Variants in DLC1 observed in about 807,000 individuals in gnomAD.
DLC1 encodes the protein rho GTPase-activating protein 7.
A neutral mutation model predicts 140.3 loss-of-function variants in DLC1; 54 were observed. The observed-to-expected ratio is 0.38, with a 90% confidence interval of 0.31 to 0.48. DLC1 has a LOEUF of 0.48. Among genes scored for constraint, DLC1 ranks in the 20% least tolerant of loss-of-function variants. DLC1 has a pLI of 0.96. For missense variants in DLC1, 2,536 were observed against 1,907.0 expected (o/e 1.33, Z -6.14); for synonymous variants, 986 against 728.1 (o/e 1.35, Z -5.70).
At chr8:13,540,646 T>A (rs1269913591) in intron 1 of DLC1, among the ~76,000 whole-genome samples, 2 of 152,216 alleles carry the variant, frequency 1.3e-5, no homozygotes, top group Admixed American at 6.5e-5. Context: ...TTTCCTATTA[T>A]CACCAAAATG....
At chr8:13,558,662 G>T (rs1055016556) in intron 1 of DLC1, 1 of 152,100 alleles carries the variant, frequency 6.6e-6, no homozygotes, top group African/African-American at 2.4e-5. Context: ...AATACCTTAT[G>T]ATAATAATAT....
chr8:13,312,222 G>A (rs1017383918), intron 4 of DLC1, among the ~76,000 whole-genome samples: 8 of 138,238 alleles, frequency 5.8e-5, no homozygotes, highest in South Asian at 2.6e-4. Flanking sequence ...TTAGCCGGGC[G>A]TGGTAGCGGG....
At chr8:13,088,305 C>A (rs1014155220) in intron 16 of DLC1, among the ~76,000 whole-genome samples, 182 bp downstream of exon 16, 1 of 152,212 alleles carries the variant, frequency 6.6e-6, no homozygotes, top group Admixed American at 6.5e-5. Context: ...TGGTCTTGAA[C>A]TGCTGGCCTC....
At chr8:13,438,844 G>A (rs73665114) in intron 2 of DLC1, among the ~76,000 whole-genome samples, 5 of 152,182 alleles carry the variant, frequency 3.3e-5, no homozygotes, top group African/African-American at 1.2e-4. Flanking sequence ...CAAGAGAAAC[G>A]CAATATCCTT....
In DLC1 at chr8:13,304,365, A is replaced by G. The variant is rs1447725968; in HGVS notation, c.1348+904T>C. Reference sequence around the variant, plus strand: ...CATTATTAAAGTGAAGAAACGAGATACAGCCTAAACATGAGAGAAAAGTTT... The same window carrying G: ...CATTATTAAAGTGAAGAAACGAGATGCAGCCTAAACATGAGAGAAAAGTTT... On this transcript the variant is annotated intron_variant, in intron 5 of 17. Coordinates refer to ENST00000276297, the MANE Select transcript of DLC1 (RefSeq NM_182643.3). 2.6e-5 allele frequency among the ~76,000 whole-genome samples: 4 copies of G among 152,330 alleles called. No homozygotes were observed. In the East Asian group the frequency reaches 7.7e-4, roughly 29 times the overall value.
At chr8:13,405,728 A>G (rs1057294813) in intron 2 of DLC1, among the ~76,000 whole-genome samples, 1 of 152,114 alleles carries the variant, frequency 6.6e-6, no homozygotes, top group African/African-American at 2.4e-5. Flanking sequence ...TGTGTTTTGA[A>G]AGACCATCAA....
chr8:13,401,728 C>G, intron 2 of DLC1, 109 bp from the exon 3 acceptor site: 2 of 1,372,338 alleles, frequency 1.5e-6, no homozygotes, highest in Non-Finnish European at 2.0e-6. Context: ...AATAGGCAGT[C>G]TTTAATTAGA....
At chr8:13,322,945 C>G (rs974501777) in intron 4 of DLC1, among the ~76,000 whole-genome samples, 1 of 152,128 alleles carries the variant, frequency 6.6e-6, no homozygotes, top group Non-Finnish European at 1.5e-5. Flanking sequence ...AAGGTTTGTG[C>G]TGGGGAAAGC....
intron 1 of DLC1, among the ~76,000 whole-genome samples, chr8:13,586,738 C>A (rs1805332176): frequency 6.6e-6 from 1 of 151,878 alleles, no homozygotes; most frequent in Non-Finnish European, 1.5e-5. Context: ...ATATCACAAC[C>A]AGAATGTTGA....
rs774759400 is a variant in DLC1 at position 13,469,055 on chromosome 8, G to A, written c.1023+29994C>T. 4.6e-5 allele frequency among the ~76,000 whole-genome samples: 7 copies of A among 151,904 alleles called. 1 individual carries two copies. Among genetic ancestry groups the A allele is most frequent in the Admixed American group, 2.0e-4 (3 of 15,248 alleles). On this transcript the variant is annotated intron_variant, in intron 2 of 17. Coordinates refer to ENST00000276297, the MANE Select transcript of DLC1 (RefSeq NM_182643.3). ...AGGATGGTCTCGAACGCCTGACCTC[G>A]TGATCTGCCTGCCTCAGCCTCCCAA...
intron 5 of DLC1, among the ~76,000 whole-genome samples, chr8:13,157,366 G>T (rs747410453): frequency 7.9e-5 from 12 of 152,196 alleles, no homozygotes; most frequent in Non-Finnish European, 1.5e-4. Flanking sequence ...TTTGGGAACA[G>T]ACGAAAATTT....
rs371679768 is a variant in DLC1 at position 13,100,904 on chromosome 8, GTT to G, written c.1567-136_1567-135del. ...TGTACTTCATGATTTTAATTTTAAA[GTT>G]TTTTTTTTTTTTTTTTTAAAAATAG... On this transcript the variant is annotated intron_variant, in intron 8 of 17. Transcript: ENST00000276297. 0.35 allele frequency: 206,464 copies of G among 583,058 alleles called. 15,774 individuals are homozygous for G. Among genetic ancestry groups the G allele is most frequent in the African/African-American group, 0.43 (19,938 of 46,806 alleles). The allele number at this position is 583,058 out of a possible 1,614,324, so 36.1% of individuals were successfully genotyped here.
chr8:13,238,805 T>C (rs2117231357), intron 5 of DLC1, among the ~76,000 whole-genome samples: 1 of 152,198 alleles, frequency 6.6e-6, no homozygotes, highest in Non-Finnish European at 1.5e-5. Flanking sequence ...ATCATTCCTC[T>C]CAAGTGATGT....
chr8:13,304,382 G>C (rs1361269614), intron 5 of DLC1, among the ~76,000 whole-genome samples: 1 of 152,138 alleles, frequency 6.6e-6, no homozygotes, highest in Non-Finnish European at 1.5e-5. Context: ...AAACATGAGA[G>C]AAAAGTTTAG....
At chr8:13,465,140 A>G (rs1035232173) in intron 2 of DLC1, among the ~76,000 whole-genome samples, 3 of 152,172 alleles carry the variant, frequency 2.0e-5, no homozygotes, top group Non-Finnish European at 4.4e-5. Flanking sequence ...GTATTTGTCC[A>G]TTCTGTTGTC....
chr8:13,304,726 C>T, intron 5 of DLC1: 1 of 959,960 alleles, frequency 1.0e-6, no homozygotes, highest in South Asian at 4.8e-5. Flanking sequence ...TTCATATTTT[C>T]ATTTCTCATC....
chr8:13,448,369 C>CTTCTTCT (rs760341572), intron 2 of DLC1, among the ~76,000 whole-genome samples: 639 of 143,870 alleles, frequency 4.4e-3, no homozygotes, highest in Non-Finnish European at 7.5e-3. Context: ...TCTTCTTCTT[C>CTTCTTCT]TTTTTTTTTT....
intron 1 of DLC1, among the ~76,000 whole-genome samples, chr8:13,521,534 G>A (rs887318512): frequency 3.3e-5 from 5 of 152,140 alleles, no homozygotes; most frequent in African/African-American, 9.7e-5. Flanking sequence ...GATAGAAGGT[G>A]CAACTGCCTG....
At chr8:13,333,235 C>A (rs1443991810) in intron 4 of DLC1, among the ~76,000 whole-genome samples, 2 of 151,542 alleles carry the variant, frequency 1.3e-5, no homozygotes, top group Admixed American at 1.3e-4. Flanking sequence ...TTTCTTTTTT[C>A]TTTTCTTAGA....
Sources: gnomAD v4.1 joint callset for allele counts (sites outside exome capture counted in the v4.1 genomes callset) on GRCh38, gnomAD v4.1.1 for gene constraint, MANE v1.5 for transcripts, NCBI Gene and HGNC (gene_info 2026-07-23, HGNC 2026-07-21) for gene names.